The following LTF variants were observed in gnomAD, a reference collection of about 807,000 sequenced individuals.
LTF encodes epididymis luminal protein 110.
LTF carries 91 observed loss-of-function variants against 87.2 expected under a neutral mutation model. The observed-to-expected ratio is 1.04, with a 90% CI of 0.88 to 1.24. LTF has a LOEUF of 1.24. LTF is among the 50% of genes most tolerant of loss of function. The pLI, the probability that LTF is intolerant of heterozygous loss-of-function variation, is 0.00. For missense variants in LTF, 901 were observed against 904.3 expected, an observed-to-expected ratio of 1.00 and a Z score of 0.05; for synonymous variants, 378 against 356.1, an observed-to-expected ratio of 1.06 and a Z score of -0.69.
intron 1 of LTF, among the ~76,000 whole-genome samples, chr3:46,484,456 A>G (rs1055310578): frequency 3.3e-5 from 5 of 152,118 alleles, no homozygotes; most frequent in African/African-American, 1.2e-4. Flanking sequence ...GATGAAACTG[A>G]GGTTCCCTCC....
rs145382222 is a variant in LTF at position 46,439,324 on chromosome 3, C to A, written c.1880G>T (p.Arg627Leu). Residue 627 changes from arginine to leucine, a missense_variant, in exon 15 of 17, where the codon CGC becomes CTC. Arg to Leu is a moderately radical substitution (Grantham distance 102, BLOSUM62 -2). Coordinates refer to ENST00000231751, the MANE Select transcript of LTF (RefSeq NM_002343.6). The stretch of plus-strand genomic sequence containing the variant: ...TTGGTGGAGCAACACCTGTTTCAGG[C>A]GTTCCACCTTATCCATCCGAGACAC... The part of the protein sequence containing the change: ...AVVSRMDKVE[R>L]LKQVLLHQQA... 14 of 1,613,294 alleles carry A rather than the reference C, an allele frequency of 8.7e-6. No individual in the cohort carries two copies. The highest frequency in any genetic ancestry group is 1.1e-5 in the Non-Finnish European group (13 of 1,179,654).
Position 46,436,089 on chromosome 3 carries a change from C to G in LTF, c.*106G>C. 9.3e-7 allele frequency: 1 copy of G among 1,071,672 alleles called. No homozygotes were observed. The highest frequency in any genetic ancestry group is 1.4e-6 in the Non-Finnish European group (1 of 695,546). 66.4% of individuals were successfully genotyped at this position (1,071,672 alleles called of 1,614,324 possible). On this transcript the variant is annotated 3_prime_UTR_variant, in exon 17 of 17. Coordinates refer to ENST00000231751, the MANE Select transcript of LTF (RefSeq NM_002343.6). The stretch of plus-strand genomic sequence containing the variant: ...ATTGTAAGCAGATGGATGGGCAATC[C>G]CCACCTTCAGCAGGGGAGGCCAAGG...
rs1702867319 is a variant in LTF, at chr3:46,454,171, A to G, written c.703+134T>C. The G allele has an allele frequency of 6.3e-6, 5 of 791,712 alleles. No homozygotes were observed. The East Asian group carries it at 1.2e-4, about 19-fold the overall frequency. The allele number at this position is 791,712 out of a possible 1,614,324, so 49.0% of individuals were successfully genotyped here. The stretch of plus-strand genomic sequence containing the variant: ...CATTTAAAATATGAAAGATCATAAA[A>G]TCAGAGCTGTGCCCTGTAGGAATCT... On this transcript the variant is annotated intron_variant, in intron 6 of 16. Transcript: ENST00000231751.
intron 6 of LTF, 35 bp from the exon 7 acceptor site, chr3:46,450,708 A>G: frequency 6.3e-7 from 1 of 1,576,718 alleles, no homozygotes; most frequent in South Asian, 1.1e-5. Flanking sequence ...GAGTCTAGAT[A>G]AGCCGACTCC....
intron 1 of LTF, among the ~76,000 whole-genome samples, chr3:46,470,644 G>A (rs974095840): frequency 5.9e-5 from 9 of 152,228 alleles, no homozygotes; most frequent in South Asian, 2.1e-4. Flanking sequence ...TACTGCTCTG[G>A]TAGTGGACTT....
Position 46,438,029 on chromosome 3 carries a change from G to T in LTF, c.2009C>A (p.Ala670Asp), listed in dbSNP as rs776784755. ...ATATGTTGTTTTGCCATGGAGTCTG[G>T]CCAGACACTCAGTGTTGTCATTGAA... ...LLFNDNTECL[A>D]RLHGKTTYEK... Residue 670 changes from alanine to aspartate, a missense_variant, in exon 16 of 17, where the codon GCC (alanine) becomes GAC (aspartate). Ala to Asp is a moderately radical substitution (Grantham distance 126). Transcript: ENST00000231751. The T allele has an allele frequency of 1.9e-5, 31 of 1,613,702 alleles. No homozygotes were observed. In the South Asian group the frequency reaches 3.4e-4, roughly 18 times the overall value.
chr3:46,444,665 G>A (rs1015769702), intron 12 of LTF, among the ~76,000 whole-genome samples: 1 of 152,206 alleles, frequency 6.6e-6, no homozygotes, highest in Non-Finnish European at 1.5e-5. Flanking sequence ...CCCATGCAGT[G>A]GAGCCCCTGC....
intron 14 of LTF, among the ~76,000 whole-genome samples, chr3:46,441,192 T>TGAGA (rs372252418): frequency 5.9e-5 from 9 of 151,794 alleles, no homozygotes; most frequent in South Asian, 2.1e-4. Context: ...TGTGTGTGTG[T>TGAGA]GAGAGAAAGA....
At chr3:46,464,982 C>T, upstream of LTF, 1 of 1,011,032 alleles carries the variant, frequency 9.9e-7, no homozygotes, top group Admixed American at 2.4e-5. Context: ...CCCTTCCCTC[C>T]CCACTCCCCG....
intron 6 of LTF, 55 bp from the exon 7 acceptor site, chr3:46,450,728 C>G: frequency 6.8e-7 from 1 of 1,470,398 alleles, no homozygotes; most frequent in Non-Finnish European, 9.4e-7. Context: ...CAGCAGTAAC[C>G]TCGAGCTATA....
intron 1 of LTF, chr3:46,463,775 G>A (rs988380054): frequency 4.2e-5 from 15 of 355,578 alleles, no homozygotes; most frequent in African/African-American, 8.8e-5. Flanking sequence ...GGAGCTTGAG[G>A]GGAAGAGAAC....
intron 1 of LTF, among the ~76,000 whole-genome samples, chr3:46,484,212 C>T (rs1363992271): frequency 6.6e-6 from 1 of 152,158 alleles, no homozygotes; most frequent in African/African-American, 2.4e-5. Flanking sequence ...TCATGATTAC[C>T]CAAGTCATAG....
chr3:46,449,092 T>C, intron 8 of LTF, 75 bp from the exon 9 acceptor site: 1 of 1,410,228 alleles, frequency 7.1e-7, no homozygotes, highest in Non-Finnish European at 9.6e-7. Flanking sequence ...AGAGCCAGGG[T>C]CCTGCCCAGA....
At position 46,445,412 on chromosome 3, in the gene LTF, C is replaced by A. The variant is rs1447922124; in HGVS notation, c.1382G>T (p.Arg461Met). The change falls in exon 12 of 17, where the codon AGG becomes ATG. Residue 461 changes from arginine to methionine, a missense_variant. Transcript: ENST00000231751. ...VEGYLAVAVV[R>M]RSDTSLTWNS... The stretch of plus-strand genomic sequence containing the variant: ...CCAGGTAAGGCTAGTGTCTGATCTC[C>A]TAACCACCGCCACAGCAAGATATCC... The A allele has an allele frequency of 6.2e-7, 1 of 1,612,744 alleles. No homozygotes were observed. The highest frequency in any genetic ancestry group is 8.5e-7 in the Non-Finnish European group (1 of 1,179,522).
At chr3:46,484,522 C>T (rs1703491617) in intron 1 of LTF, among the ~76,000 whole-genome samples, 1 of 152,166 alleles carries the variant, frequency 6.6e-6, no homozygotes, top group African/African-American at 2.4e-5. Context: ...TACCCTTGCT[C>T]CCCTAAAAAA....
intron 13 of LTF, among the ~76,000 whole-genome samples, chr3:46,442,548 T>C (rs1256875285): frequency 6.6e-6 from 1 of 151,966 alleles, no homozygotes; most frequent in Non-Finnish European, 1.5e-5. Context: ...TTATGAGACA[T>C]GTGTTCAGCA....
chr3:46,482,104 C>T (rs943323325), intron 1 of LTF, among the ~76,000 whole-genome samples: 7 of 151,800 alleles, frequency 4.6e-5, no homozygotes, highest in Admixed American at 1.3e-4. Flanking sequence ...ACTTTTTATG[C>T]GACTCACAAT....
At chr3:46,469,277 G>A (rs1196300688), upstream of LTF, among the ~76,000 whole-genome samples, 2 of 152,188 alleles carry the variant, frequency 1.3e-5, no homozygotes, top group Non-Finnish European at 2.9e-5. Context: ...TCTCCTCCAT[G>A]AGCCAAGAAC....
At chr3:46,440,907 C>G (rs1291657199) in intron 14 of LTF, among the ~76,000 whole-genome samples, 1 of 152,200 alleles carries the variant, frequency 6.6e-6, no homozygotes, top group Admixed American at 6.5e-5. Context: ...TATCTTCCAT[C>G]ATCTGCAACC....
Sources: allele counts gnomAD v4.1 joint callset (sites outside exome capture counted in the v4.1 genomes callset), GRCh38; gene constraint gnomAD v4.1.1; transcripts MANE v1.5; gene names NCBI Gene and HGNC (gene_info 2026-07-23, HGNC 2026-07-21).